Variants in LRRC4C observed in about 807,000 individuals in gnomAD.
LRRC4C encodes leucine-rich repeat-containing protein 4C.
In LRRC4C, 5 loss-of-function variants were observed where a neutral mutation model predicts 33.6. That is an observed-to-expected ratio of 0.15 (90% CI 0.08 to 0.31). LRRC4C has a LOEUF of 0.31. LRRC4C is among the 10% of genes least tolerant of loss of function. The pLI is 1.00. For missense variants in LRRC4C, 560 were observed against 796.7 expected, an observed-to-expected ratio of 0.70 and a Z score of 3.58; for synonymous variants, 329 against 302.0, an observed-to-expected ratio of 1.09 and a Z score of -0.93.
intron 4 of LRRC4C, among the ~76,000 whole-genome samples, chr11:40,310,951 T>A (rs968504612): frequency 6.6e-6 from 1 of 152,242 alleles, no homozygotes; most frequent in Non-Finnish European, 1.5e-5. Context: ...TGTGATACAC[T>A]GTATGGCTCA....
At chr11:40,913,592 G>A (rs1956796250) in intron 2 of LRRC4C, among the ~76,000 whole-genome samples, 2 of 152,088 alleles carry the variant, frequency 1.3e-5, no homozygotes, top group Non-Finnish European at 2.9e-5. Context: ...ACAAGAGAAA[G>A]CAGGAAAGAT....
At chr11:41,243,224 T>A (rs1265661055) in intron 1 of LRRC4C, among the ~76,000 whole-genome samples, 1 of 152,230 alleles carries the variant, frequency 6.6e-6, no homozygotes, top group Non-Finnish European at 1.5e-5. Flanking sequence ...CCACTCATCA[T>A]AAAAGAAGGA....
Position 40,869,692 on chromosome 11 carries a change from A to T in LRRC4C, c.-407+63943T>A, listed in dbSNP as rs112791403. Among the ~76,000 whole-genome samples, 334 of 152,258 alleles carry T rather than the reference A, an allele frequency of 2.2e-3. 3 individuals are homozygous for T. Among genetic ancestry groups the T allele is most frequent in the African/African-American group, 7.6e-3 (314 of 41,566 alleles). On this transcript the variant is annotated intron_variant, in intron 2 of 6. Transcript: ENST00000528697. ...CCCACACACTAGCAGGCCACTGCAC[A>T]TGTGGACAGCTCACCCCAAGAGAAG... is the stretch of plus-strand genomic sequence containing the variant.
At chr11:40,897,963 C>T (rs1267145424) in intron 2 of LRRC4C, among the ~76,000 whole-genome samples, 1 of 152,124 alleles carries the variant, frequency 6.6e-6, no homozygotes, top group Non-Finnish European at 1.5e-5. Flanking sequence ...ACTGTTTATG[C>T]AGTTTTACCT....
chr11:41,402,018 T>C (rs1954043655), intron 1 of LRRC4C, among the ~76,000 whole-genome samples: 1 of 152,102 alleles, frequency 6.6e-6, no homozygotes, highest in Admixed American at 6.6e-5. Flanking sequence ...ATGGAATAGG[T>C]ACCACATTAA....
At chr11:40,801,023 T>C (rs971902195) in intron 2 of LRRC4C, among the ~76,000 whole-genome samples, 3 of 152,142 alleles carry the variant, frequency 2.0e-5, no homozygotes, top group Admixed American at 6.5e-5. Flanking sequence ...TTTCAATTAT[T>C]CACCCACGTT....
chr11:41,031,260 A>T (rs1204303634), intron 1 of LRRC4C, among the ~76,000 whole-genome samples: 2 of 151,914 alleles, frequency 1.3e-5, no homozygotes, highest in African/African-American at 2.4e-5. Context: ...GTTATTGATA[A>T]CATCTGCTAC....
At chr11:40,125,813 G>A (rs113960484) in intron 6 of LRRC4C, among the ~76,000 whole-genome samples, 4 of 151,988 alleles carry the variant, frequency 2.6e-5, no homozygotes, top group South Asian at 4.1e-4. Flanking sequence ...ACAAAGCAAC[G>A]AATTAAATAA....
At position 41,052,457 on chromosome 11, in the gene LRRC4C, C is replaced by A. The variant is rs74695653; in HGVS notation, c.-495-118734G>T. Among the ~76,000 whole-genome samples the A allele has an allele frequency of 5.6e-4, 85 of 151,880 alleles. 1 individual carries two copies. The East Asian group carries it at 0.014, about 25-fold the overall frequency. ...CCAGTGCCCTAGTTTCTGCTCATTT[C>A]TTCCTGGCATCTGGTATGTTCCCGT... On this transcript the variant is annotated intron_variant, in intron 1 of 6. Coordinates refer to ENST00000528697, the MANE Select transcript of LRRC4C (RefSeq NM_001258419.2).
At chr11:41,287,255 T>A (rs948663212) in intron 1 of LRRC4C, among the ~76,000 whole-genome samples, 23 of 152,198 alleles carry the variant, frequency 1.5e-4, no homozygotes, top group African/African-American at 4.8e-4. Context: ...GAAAGAACTA[T>A]AACAGGGAAA....
chr11:41,055,143 A>G (rs960051220), intron 1 of LRRC4C, among the ~76,000 whole-genome samples: 1 of 152,138 alleles, frequency 6.6e-6, no homozygotes, highest in African/African-American at 2.4e-5. Context: ...CTGACTTATA[A>G]TACCACAAAT....
intron 1 of LRRC4C, among the ~76,000 whole-genome samples, chr11:41,282,427 T>C (rs4536199): frequency 1 from 152,030 of 152,310 alleles, 75,875 homozygotes; most frequent in East Asian, 1. Flanking sequence ...ATTAGGAATG[T>C]AGTTTTGATT....
intron 1 of LRRC4C, among the ~76,000 whole-genome samples, chr11:41,265,308 C>T (rs186406895): frequency 4.6e-4 from 70 of 152,120 alleles, no homozygotes; most frequent in African/African-American, 1.5e-3. Context: ...ATTAAAGGTA[C>T]GTTAGAGTAA....
At chr11:40,689,960 T>C (rs941764633) in intron 2 of LRRC4C, among the ~76,000 whole-genome samples, 2 of 152,136 alleles carry the variant, frequency 1.3e-5, no homozygotes, top group Non-Finnish European at 2.9e-5. Flanking sequence ...ATTTACTTAT[T>C]CTTTCATGCG....
chr11:40,692,997 C>T (rs549752903), intron 2 of LRRC4C, among the ~76,000 whole-genome samples: 1 of 151,994 alleles, frequency 6.6e-6, no homozygotes, highest in Non-Finnish European at 1.5e-5. Context: ...GAGATTAATA[C>T]AGAAAGTAAA....
intron 1 of LRRC4C, among the ~76,000 whole-genome samples, chr11:41,307,037 G>A (rs1183866973): frequency 6.6e-6 from 1 of 152,154 alleles, no homozygotes; most frequent in African/African-American, 2.4e-5. Context: ...AACTACAAAT[G>A]TAATTCTCTC....
chr11:40,466,899 A>C (rs2138243957), intron 3 of LRRC4C, among the ~76,000 whole-genome samples: 1 of 152,234 alleles, frequency 6.6e-6, no homozygotes, highest in Middle Eastern at 3.4e-3. Flanking sequence ...TTCAAGTGAT[A>C]GGTCTTGATC....
At chr11:40,615,386 T>A (rs1433424924) in intron 3 of LRRC4C, among the ~76,000 whole-genome samples, 1 of 151,138 alleles carries the variant, frequency 6.6e-6, no homozygotes. Context: ...CTATTTCCAA[T>A]ATCTTTACAA....
Position 40,202,382 on chromosome 11 carries a change from T to C in LRRC4C, c.-96+39137A>G, listed in dbSNP as rs185336274. ...AACTTATCCTCTAACCTTGAGAAAATTAATCACAAAGAAATGGTGTCAGGT... is the reference window on the plus strand; with the variant it reads ...AACTTATCCTCTAACCTTGAGAAAACTAATCACAAAGAAATGGTGTCAGGT... On this transcript the variant is annotated intron_variant, in intron 5 of 6. Coordinates refer to ENST00000528697, the MANE Select transcript of LRRC4C (RefSeq NM_001258419.2). Among the ~76,000 whole-genome samples the C allele has an allele frequency of 5.8e-4, 88 of 151,650 alleles. 2 individuals are homozygous for C. The highest frequency in any genetic ancestry group is 5.7e-3 in the Admixed American group (86 of 15,218).
Sources: gnomAD v4.1 joint callset for allele counts (sites outside exome capture counted in the v4.1 genomes callset) on GRCh38, gnomAD v4.1.1 for gene constraint, MANE v1.5 for transcripts, NCBI Gene and HGNC (gene_info 2026-07-23, HGNC 2026-07-21) for gene names.